ADGRG7: variants seen among roughly 807,000 people sequenced by gnomAD.
ADGRG7 encodes the protein G-protein coupled receptor 128.
ADGRG7 carries 82 observed loss-of-function variants against 88.6 expected under a neutral mutation model. The ratio of observed to expected loss-of-function variants is 0.93; its 90% CI spans 0.77 to 1.11. The LOEUF (loss-of-function observed/expected upper bound fraction) is 1.11. Ranked by LOEUF, ADGRG7 falls within the 50% of genes most tolerant of loss-of-function variation. The pLI, the probability that ADGRG7 is intolerant of heterozygous loss-of-function variation, is 0.00. For missense variants in ADGRG7, 945 were observed against 953.4 expected, an observed-to-expected ratio of 0.99 and a Z score of 0.12; for synonymous variants, 381 against 345.2, an observed-to-expected ratio of 1.10 and a Z score of -1.15.
intron 15 of ADGRG7, among the ~76,000 whole-genome samples, chr3:100,676,600 T>C (rs989072448): frequency 6.6e-6 from 1 of 152,056 alleles, no homozygotes; most frequent in African/African-American, 2.4e-5. Context: ...TGTTCTATAA[T>C]TATCTATTAG....
intron 1 of ADGRG7, among the ~76,000 whole-genome samples, chr3:100,624,407 AT>A (rs1442950097): frequency 1.3e-5 from 2 of 151,916 alleles, no homozygotes; most frequent in Admixed American, 1.3e-4. Flanking sequence ...TTTCTTGTAA[AT>A]TTAAGTTCCT....
intron 1 of ADGRG7, among the ~76,000 whole-genome samples, chr3:100,618,825 A>G (rs995139086): frequency 2.6e-5 from 4 of 152,094 alleles, no homozygotes; most frequent in Admixed American, 6.6e-5. Context: ...CCATTTTCAC[A>G]ATATTGATTC....
At chr3:100,634,395 C>G (rs960084390) in intron 4 of ADGRG7, among the ~76,000 whole-genome samples, 1 of 152,066 alleles carries the variant, frequency 6.6e-6, no homozygotes, top group Non-Finnish European at 1.5e-5. Flanking sequence ...AATATTGTGC[C>G]AAATATTAAT....
chr3:100,666,266 G>A (rs765052558), intron 14 of ADGRG7, among the ~76,000 whole-genome samples: 9 of 152,106 alleles, frequency 5.9e-5, no homozygotes, highest in Non-Finnish European at 8.8e-5. Flanking sequence ...GGGAACCAGC[G>A]TTCAGCATAT....
At chr3:100,665,926 A>G (rs2094951114) in intron 14 of ADGRG7, among the ~76,000 whole-genome samples, 1 of 152,202 alleles carries the variant, frequency 6.6e-6, no homozygotes, top group Non-Finnish European at 1.5e-5. Flanking sequence ...CAGTAGCTAC[A>G]TAACAAATTG....
intron 10 of ADGRG7, among the ~76,000 whole-genome samples, chr3:100,647,300 T>C (rs1707770916): frequency 6.6e-6 from 1 of 152,210 alleles, no homozygotes; most frequent in Non-Finnish European, 1.5e-5. Flanking sequence ...AAAGAAAAGC[T>C]GGTGGGCTCC....
intron 6 of ADGRG7, among the ~76,000 whole-genome samples, chr3:100,639,688 G>GGAATGAAC (rs1400500195): frequency 6.6e-6 from 1 of 152,120 alleles, no homozygotes; most frequent in East Asian, 1.9e-4. Flanking sequence ...CTAGACGGGA[G>GGAATGAAC]GAATGAACGT....
chr3:100,636,467 G>T (rs2149020157), intron 5 of ADGRG7, among the ~76,000 whole-genome samples: 1 of 152,152 alleles, frequency 6.6e-6, no homozygotes, highest in Middle Eastern at 3.4e-3. Context: ...ATTTTAATTT[G>T]CTAAACCCTG....
intron 14 of ADGRG7, among the ~76,000 whole-genome samples, chr3:100,668,336 C>G (rs1321005737): frequency 6.6e-6 from 1 of 152,220 alleles, no homozygotes; most frequent in Non-Finnish European, 1.5e-5. Flanking sequence ...TCCACATAGT[C>G]TCTCATCTGC....
intron 15 of ADGRG7, among the ~76,000 whole-genome samples, chr3:100,672,821 G>T (rs1343117355): frequency 6.6e-6 from 1 of 152,132 alleles, no homozygotes; most frequent in Non-Finnish European, 1.5e-5. Context: ...TAATCATGTG[G>T]TTTTTGTCAC....
At chr3:100,679,414 A>AC (rs2094969981) in intron 15 of ADGRG7, among the ~76,000 whole-genome samples, 2 of 151,970 alleles carry the variant, frequency 1.3e-5, no homozygotes, top group African/African-American at 4.8e-5. Context: ...GGAATCAGAG[A>AC]CCCCAAGAGC....
intron 1 of ADGRG7, among the ~76,000 whole-genome samples, chr3:100,623,763 AT>A (rs1707344960): frequency 6.6e-6 from 1 of 151,460 alleles, no homozygotes; most frequent in Admixed American, 6.6e-5. Context: ...ATGTGTTCTC[AT>A]TGTTCAACTT....
intron 13 of ADGRG7, among the ~76,000 whole-genome samples, chr3:100,658,667 G>A (rs1340839802): frequency 2.0e-5 from 3 of 151,976 alleles, no homozygotes; most frequent in Non-Finnish European, 2.9e-5. Flanking sequence ...TTTTTTCCAT[G>A]AGGTTTTCCC....
At chr3:100,626,356 C>A (rs1313374122) in intron 1 of ADGRG7, among the ~76,000 whole-genome samples, 1 of 151,956 alleles carries the variant, frequency 6.6e-6, no homozygotes, top group Non-Finnish European at 1.5e-5. Flanking sequence ...ATTTTAAATC[C>A]GCTTGTTAAT....
chr3:100,637,409 A>G lies in ADGRG7; in HGVS notation c.698+7A>G, dbSNP rs777332346. The stretch of plus-strand genomic sequence containing the variant: ...ATGATGATGCCCTTACAACGTAAGC[A>G]CAAATTCAATTTGGAAAGAAAACTT... On this transcript the variant is annotated splice_region_variant and intron_variant, in intron 6 of 15. Transcript: ENST00000273352. 10 of 1,601,390 alleles carry G rather than the reference A, an allele frequency of 6.2e-6. No individual in the cohort carries two copies. The highest frequency in any genetic ancestry group is 8.6e-6 in the Non-Finnish European group (10 of 1,169,064).
chr3:100,660,682 G>A (rs985291047), intron 14 of ADGRG7, among the ~76,000 whole-genome samples: 28 of 152,056 alleles, frequency 1.8e-4, no homozygotes, highest in Admixed American at 1.3e-3. Flanking sequence ...GCAGGGCGCA[G>A]TGGCTCATGC....
rs546740820 is a variant in ADGRG7 at position 100,669,156 on chromosome 3, T to C, written c.2136+51T>C. 4.8e-5 allele frequency: 66 copies of C among 1,362,144 alleles called. 2 individuals are homozygous for C. In the South Asian group the frequency reaches 1.1e-3, roughly 24 times the overall value. The allele number at this position is 1,362,144 out of a possible 1,614,324, so 84.4% of individuals were successfully genotyped here. On this transcript the variant is annotated intron_variant, in intron 15 of 15. Coordinates refer to ENST00000273352, the MANE Select transcript of ADGRG7 (RefSeq NM_032787.3). ...AGCAGAACACGCAGTGGTGGAGATA[T>C]CATCTTGATATCTTAGTTACCTTTA... is the stretch of plus-strand genomic sequence containing the variant.
At chr3:100,611,757 G>T (rs1260630408) in intron 1 of ADGRG7, among the ~76,000 whole-genome samples, 1 of 152,210 alleles carries the variant, frequency 6.6e-6, no homozygotes, top group Non-Finnish European at 1.5e-5. Flanking sequence ...GTCATTTAAA[G>T]AAAAAGAGTG....
intron 13 of ADGRG7, among the ~76,000 whole-genome samples, chr3:100,656,430 A>G (rs774729817): frequency 2.2e-4 from 34 of 152,228 alleles, no homozygotes; most frequent in Non-Finnish European, 4.0e-4. Context: ...TCTCACTCAT[A>G]TAAACCAATT....
Sources: gnomAD v4.1 joint callset for allele counts (sites outside exome capture counted in the v4.1 genomes callset) on GRCh38, gnomAD v4.1.1 for gene constraint, MANE v1.5 for transcripts, NCBI Gene and HGNC (gene_info 2026-07-23, HGNC 2026-07-21) for gene names.